PLA2G5: variants seen among roughly 807,000 people sequenced by gnomAD.
PLA2G5 encodes Ca2+-dependent phospholipase A2.
Under a neutral mutation model 15.9 loss-of-function variants are expected in PLA2G5, and 12 were observed. The ratio of observed to expected loss-of-function variants is 0.76; its 90% CI spans 0.48 to 1.23. The LOEUF (loss-of-function observed/expected upper bound fraction) is 1.23. Ranked by LOEUF, PLA2G5 falls within the 50% of genes most tolerant of loss-of-function variation. PLA2G5 has a pLI of 0.00. For synonymous variants in PLA2G5, 71 were observed against 71.4 expected, an observed-to-expected ratio of 0.99 and a Z score of 0.03; for missense variants, 169 against 177.1, an observed-to-expected ratio of 0.95 and a Z score of 0.26.
chr1:20,067,129 G>A (rs1185512270), upstream of PLA2G5, among the ~76,000 whole-genome samples: 2 of 152,084 alleles, frequency 1.3e-5, no homozygotes, highest in Non-Finnish European at 2.9e-5. Flanking sequence ...CCAAGTAGCT[G>A]GACTACACGT....
At chr1:20,082,281 C>T (rs1192075013) in intron 1 of PLA2G5, among the ~76,000 whole-genome samples, 2 of 151,818 alleles carry the variant, frequency 1.3e-5, no homozygotes, top group Non-Finnish European at 1.5e-5. Flanking sequence ...TGATTCCTCC[C>T]TTGGGTTGGT....
rs142994397 is a variant in PLA2G5, at chr1:20,046,466, T to C, written n.277-13166T>C. ...CTTCCTATCTTAAAAAAAGTTCTTT[T>C]ACTTTTTTTCCACCCTATATCTCCT... On this transcript the variant is annotated intron_variant and non_coding_transcript_variant, in intron 1 of 6. Transcript: ENST00000460175. Among the ~76,000 whole-genome samples the C allele has an allele frequency of 1.5e-4, 23 of 152,352 alleles. No homozygotes were observed. In the East Asian group the frequency reaches 2.3e-3, roughly 15 times the overall value.
At chr1:20,076,321 A>G (rs1365095643) in intron 1 of PLA2G5, among the ~76,000 whole-genome samples, 1 of 152,170 alleles carries the variant, frequency 6.6e-6, no homozygotes, top group African/African-American at 2.4e-5. Context: ...CCAAAAATCC[A>G]GTTCCACTCA....
intron 1 of PLA2G5, among the ~76,000 whole-genome samples, chr1:20,072,488 G>GGA (rs750853356): frequency 3.9e-5 from 6 of 152,124 alleles, no homozygotes; most frequent in Non-Finnish European, 8.8e-5. Flanking sequence ...ACAGGGGGAG[G>GGA]GAGAGAGAGA....
chr1:20,036,562 TGTAA>T (rs796627239), intron 1 of PLA2G5, among the ~76,000 whole-genome samples: 219 of 152,332 alleles, frequency 1.4e-3, no homozygotes, highest in African/African-American at 5.0e-3. Flanking sequence ...TTTGCATTTC[TGTAA>T]GTGTGTCTTT....
intron 2 of PLA2G5, among the ~76,000 whole-genome samples, chr1:20,085,073 A>G: frequency 6.6e-6 from 1 of 152,166 alleles, no homozygotes; most frequent in East Asian, 1.9e-4. Flanking sequence ...GTCCATGCGT[A>G]AGGCTGTGGC....
Position 20,090,677 on chromosome 1 carries a change from C to A in PLA2G5, c.402C>A (p.Asn134Lys), listed in dbSNP as rs112000348. 56 of 1,614,062 alleles carry A rather than the reference C, an allele frequency of 3.5e-5. No individual in the cohort carries two copies. In the African/African-American group the frequency reaches 6.9e-4, roughly 20 times the overall value. ...ACCCACAGTACCAATACTTTCCCAACATCCTCTGCTCCTAGGCCTCCCCAG... is the reference window on the plus strand; with the variant it reads ...ACCCACAGTACCAATACTTTCCCAAAATCCTCTGCTCCTAGGCCTCCCCAG... The part of the protein sequence containing the change: ...SYNPQYQYFP[N>K]ILCS The change falls in exon 5 of 5, where the codon AAC (asparagine) becomes AAA (lysine). Residue 134 changes from asparagine to lysine, a missense_variant. Coordinates refer to ENST00000375108, the MANE Select transcript of PLA2G5 (RefSeq NM_000929.3).
At chr1:20,057,062 C>T (rs1022216827) in intron 1 of PLA2G5, among the ~76,000 whole-genome samples, 1 of 151,738 alleles carries the variant, frequency 6.6e-6, no homozygotes, top group Non-Finnish European at 1.5e-5. Context: ...GGTGATGGCC[C>T]CTCATTTATT....
chr1:20,080,976 C>A (rs1214502301), intron 1 of PLA2G5, among the ~76,000 whole-genome samples: 2 of 151,880 alleles, frequency 1.3e-5, no homozygotes, highest in African/African-American at 4.9e-5. Context: ...GCAGTGCCTT[C>A]CGTGCAATGA....
intron 2 of PLA2G5, among the ~76,000 whole-genome samples, chr1:20,061,129 C>T (rs915330565): frequency 1.3e-5 from 2 of 152,202 alleles, no homozygotes; most frequent in Admixed American, 1.3e-4. Flanking sequence ...CCATTGCTCT[C>T]ACCTCTCTGT....
At chr1:20,052,130 CG>C (rs2014207138) in intron 1 of PLA2G5, among the ~76,000 whole-genome samples, 1 of 147,464 alleles carries the variant, frequency 6.8e-6, no homozygotes, top group African/African-American at 2.5e-5. Context: ...GCCGAGATCG[CG>C]CCACTGCACT....
intron 2 of PLA2G5, among the ~76,000 whole-genome samples, chr1:20,061,411 C>T (rs576887003): frequency 5.7e-4 from 86 of 151,792 alleles, no homozygotes; most frequent in African/African-American, 1.9e-3. Context: ...CTAGGGAGAC[C>T]GCATCTTTAG....
chr1:20,075,908 G>C (rs1276289716), intron 1 of PLA2G5, among the ~76,000 whole-genome samples: 2 of 117,092 alleles, frequency 1.7e-5, no homozygotes, highest in Non-Finnish European at 3.3e-5. Context: ...GTCTCACTCT[G>C]TCCCCCAGGA....
chr1:20,086,130 G>A lies in PLA2G5; in HGVS notation c.88G>A (p.Glu30Lys), dbSNP rs141524733. The A allele has an allele frequency of 1.6e-5, 26 of 1,613,954 alleles. No homozygotes were observed. The highest frequency in any genetic ancestry group is 4.0e-5 in the African/African-American group (3 of 74,876). The stretch of plus-strand genomic sequence containing the variant: ...CTTGCTGGACCTAAAATCAATGATC[G>A]AGAAGGTGACAGGGAAGAACGCCCT... ...GGLLDLKSMI[E>K]KVTGKNALTN... Residue 30 changes from glutamate to lysine, a missense_variant, in exon 3 of 5, where the codon GAG becomes AAG. Glu to Lys is a moderately conservative substitution (Grantham distance 56). Transcript: ENST00000375108.
In PLA2G5 at chr1:20,060,247, C is replaced by CTTTTTTTTTT. The variant is rs71585739; in HGVS notation, n.337+570_337+579dup. Among the ~76,000 whole-genome samples the CTTTTTTTTTT allele has an allele frequency of 4.1e-3, 345 of 83,686 alleles. 2 individuals carry two copies. The highest frequency in any genetic ancestry group is 0.01 in the Middle Eastern group (1 of 100). The allele number at this position is 83,686 out of a possible 152,430, so 54.9% of individuals were successfully genotyped here. On this transcript the variant is annotated intron_variant and non_coding_transcript_variant, in intron 2 of 6. Transcript: ENST00000460175. ...CTATTTACTGACTTTCTTTTTTCTT[C>CTTTTTTTTTT]TTTTTTTTTTTTTTTTTTTTTTTTG...
At chr1:20,076,693 G>A (rs2015703213) in intron 1 of PLA2G5, 1 of 152,220 alleles carries the variant, frequency 6.6e-6, no homozygotes, top group African/African-American at 2.4e-5. Flanking sequence ...CATAGCAAAT[G>A]TTCATTAAAG....
In PLA2G5 at chr1:20,091,377, C is replaced by T. The variant is rs909595857; in HGVS notation, c.*685C>T. Among the ~76,000 whole-genome samples, 4 of 152,166 alleles carry T rather than the reference C, an allele frequency of 2.6e-5. No individual in the cohort carries two copies. The highest frequency in any genetic ancestry group is 2.6e-4 in the Admixed American group (4 of 15,270). On this transcript the variant is annotated 3_prime_UTR_variant, in exon 5 of 5. Coordinates refer to ENST00000375108, the MANE Select transcript of PLA2G5 (RefSeq NM_000929.3). ...TCCAGTATTGGGTCTCATTCTTCCT[C>T]GATGGGGTCAGGGAAAGATAACTGG...
chr1:20,034,514 C>T (rs1417716828), intron 1 of PLA2G5, among the ~76,000 whole-genome samples: 1 of 152,134 alleles, frequency 6.6e-6, no homozygotes. Flanking sequence ...AGAAGTAAGA[C>T]CCATCTGGTT....
intron 1 of PLA2G5, among the ~76,000 whole-genome samples, chr1:20,040,770 C>T (rs1210239049): frequency 6.6e-6 from 1 of 152,150 alleles, no homozygotes; most frequent in African/African-American, 2.4e-5. Context: ...GCAAACTTGC[C>T]TCCCATTCTA....
Sources: allele counts gnomAD v4.1 joint callset (sites outside exome capture counted in the v4.1 genomes callset), GRCh38; gene constraint gnomAD v4.1.1; transcripts MANE v1.5; gene names NCBI Gene and HGNC (gene_info 2026-07-23, HGNC 2026-07-21).